Variants in PRDM10 observed in about 807,000 individuals in gnomAD.
PRDM10 encodes the protein PR domain zinc finger protein 10.
Under a neutral mutation model 133.1 loss-of-function variants are expected in PRDM10, and 65 were observed. That is an observed-to-expected ratio of 0.49 (90% CI 0.40 to 0.60). The LOEUF is 0.60. Among genes scored for constraint, PRDM10 ranks in the 20% least tolerant of loss-of-function variants. The pLI is 0.00. For missense variants in PRDM10, 1,137 were observed against 1,507.1 expected (o/e 0.75, Z 4.07); for synonymous variants, 582 against 580.4 (o/e 1.00, Z -0.04).
chr11:129,963,394 GA>G (rs1951837767), intron 1 of PRDM10, among the ~76,000 whole-genome samples: 4 of 142,982 alleles, frequency 2.8e-5, no homozygotes, highest in African/African-American at 1.1e-4. Flanking sequence ...GAGAAGAGAA[GA>G]GAAGAGAAGA....
At chr11:129,960,557 A>G (rs1402440930) in intron 2 of PRDM10, among the ~76,000 whole-genome samples, 1 of 152,230 alleles carries the variant, frequency 6.6e-6, no homozygotes, top group Non-Finnish European at 1.5e-5. Context: ...CACACAAAGG[A>G]CCAAACTACT....
intron 13 of PRDM10, among the ~76,000 whole-genome samples, chr11:129,922,570 T>C (rs1197845917): frequency 1.3e-5 from 2 of 152,252 alleles, no homozygotes; most frequent in African/African-American, 4.8e-5. Flanking sequence ...CTGATTCTTT[T>C]CCAGTTTCTA....
chr11:129,995,669 G>C (rs1055889697), intron 1 of PRDM10, among the ~76,000 whole-genome samples: 1 of 152,120 alleles, frequency 6.6e-6, no homozygotes, highest in South Asian at 2.1e-4. Context: ...GAGAGGGGCA[G>C]GGGCCGTAGC....
chr11:129,992,573 A>G (rs1388489457), intron 1 of PRDM10, among the ~76,000 whole-genome samples: 2 of 152,176 alleles, frequency 1.3e-5, no homozygotes, highest in Admixed American at 1.3e-4. Context: ...CCACCAGATG[A>G]CGCAATCACC....
At chr11:129,996,273 G>A (rs1406234699) in intron 1 of PRDM10, among the ~76,000 whole-genome samples, 1 of 152,222 alleles carries the variant, frequency 6.6e-6, no homozygotes, top group Non-Finnish European at 1.5e-5. Context: ...AGATGGTCTT[G>A]ACACTTCAAC....
chr11:129,968,303 T>G (rs2135940112), intron 1 of PRDM10, among the ~76,000 whole-genome samples: 1 of 152,316 alleles, frequency 6.6e-6, no homozygotes, highest in African/African-American at 2.4e-5. Flanking sequence ...AATAAACTTT[T>G]CCGGCTCATT....
At chr11:130,001,288 C>CA (rs1019551095) in intron 1 of PRDM10, among the ~76,000 whole-genome samples, 67 of 151,550 alleles carry the variant, frequency 4.4e-4, no homozygotes, top group South Asian at 6.2e-4. Context: ...TAGGAAGATA[C>CA]AAAAAAAATA....
intron 20 of PRDM10, among the ~76,000 whole-genome samples, chr11:129,903,928 C>G (rs1285692706): frequency 6.6e-6 from 1 of 152,134 alleles, no homozygotes; most frequent in Non-Finnish European, 1.5e-5. Flanking sequence ...AGAGAAATAA[C>G]TTTGGCTAAA....
intron 4 of PRDM10, among the ~76,000 whole-genome samples, chr11:129,953,055 C>T (rs1420972239): frequency 1.3e-5 from 2 of 152,004 alleles, no homozygotes; most frequent in African/African-American, 4.8e-5. Context: ...CTCACTGCAA[C>T]CTCCGCCTCC....
chr11:129,917,033 AC>A lies in PRDM10; in HGVS notation c.2325+93del. Reference sequence around the variant, plus strand: ...GACAGGTAACCATCTGGTAAGAGTAACAAAAAAATCGTAGTATATATTTATA... The same window carrying A: ...GACAGGTAACCATCTGGTAAGAGTAAAAAAAAATCGTAGTATATATTTATA... On this transcript the variant is annotated intron_variant, in intron 15 of 20. Transcript: ENST00000360871. 1.7e-5 allele frequency: 14 copies of A among 810,740 alleles called. No homozygotes were observed. The South Asian group carries it at 2.8e-4, about 16-fold the overall frequency. The allele number at this position is 810,740 out of a possible 1,614,324, so 50.2% of individuals were successfully genotyped here.
intron 1 of PRDM10, among the ~76,000 whole-genome samples, chr11:129,995,840 G>T (rs541317337): frequency 6.6e-6 from 1 of 152,098 alleles, no homozygotes; most frequent in Non-Finnish European, 1.5e-5. Flanking sequence ...CAGCTACTTG[G>T]GGGGCTGAGG....
chr11:129,947,626 A>T lies in PRDM10; in HGVS notation c.295-256T>A, dbSNP rs1474929591. 1.3e-5 allele frequency: 16 copies of T among 1,265,912 alleles called. No individual in the cohort carries two copies. Among genetic ancestry groups the T allele is most frequent in the Non-Finnish European group, 1.7e-5 (16 of 955,826 alleles). 78.4% of individuals were successfully genotyped at this position (1,265,912 alleles called of 1,614,324 possible). On this transcript the variant is annotated intron_variant, in intron 4 of 20. Transcript: ENST00000360871. This position sits in a 1 kb window ranked among gnomAD's most constrained non-coding sequence, Gnocchi z 4.6. ...CTGTCCCACACCTGGGAGGGCTGCTAAGAAGGCTCAGGTGCTCCCTCCTTT... is the reference window on the plus strand; with the variant it reads ...CTGTCCCACACCTGGGAGGGCTGCTTAGAAGGCTCAGGTGCTCCCTCCTTT...
chr11:130,000,375 T>G (rs372633642), intron 1 of PRDM10, among the ~76,000 whole-genome samples: 1 of 152,158 alleles, frequency 6.6e-6, no homozygotes, highest in African/African-American at 2.4e-5. Context: ...GATCACGCAT[T>G]ATTCTTAAAA....
chr11:129,939,619 C>T (rs2135850112), intron 7 of PRDM10, among the ~76,000 whole-genome samples: 1 of 152,318 alleles, frequency 6.6e-6, no homozygotes, highest in African/African-American at 2.4e-5. Context: ...GTACTGTTCT[C>T]ACCTCATTCA....
chr11:129,969,263 T>C (rs960325542), intron 1 of PRDM10, among the ~76,000 whole-genome samples: 2 of 152,228 alleles, frequency 1.3e-5, no homozygotes, highest in Admixed American at 6.5e-5. Flanking sequence ...AATATTTATA[T>C]AGCAATTAGT....
intron 1 of PRDM10, among the ~76,000 whole-genome samples, chr11:129,988,917 CTG>C (rs1938582209): frequency 2.0e-5 from 3 of 152,170 alleles, no homozygotes; most frequent in Non-Finnish European, 4.4e-5. Flanking sequence ...GCGTGAGCCA[CTG>C]CGCCCGGCCA....
chr11:129,987,894 G>A (rs1938517001), intron 1 of PRDM10, among the ~76,000 whole-genome samples: 1 of 152,136 alleles, frequency 6.6e-6, no homozygotes, highest in South Asian at 2.1e-4. Flanking sequence ...CCAGCTACTC[G>A]GGAGACTGAG....
chr11:129,972,044 C>A (rs1324662386), intron 1 of PRDM10, among the ~76,000 whole-genome samples: 6 of 152,252 alleles, frequency 3.9e-5, no homozygotes, highest in Admixed American at 2.0e-4. Context: ...CCCAGTACAC[C>A]CTCCGCAGCC....
intron 6 of PRDM10, among the ~76,000 whole-genome samples, chr11:129,943,386 A>G (rs1454399943): frequency 6.6e-6 from 1 of 152,248 alleles, no homozygotes; most frequent in Non-Finnish European, 1.5e-5. Context: ...ATTATTTTAA[A>G]TAAAGAAAGC....
Sources: allele counts gnomAD v4.1 joint callset (sites outside exome capture counted in the v4.1 genomes callset), GRCh38; gene constraint gnomAD v4.1.1; non-coding constraint Gnocchi (gnomAD v3.1); transcripts MANE v1.5; gene names NCBI Gene and HGNC (gene_info 2026-07-23, HGNC 2026-07-21).